ZNF385B: variants seen among roughly 807,000 people sequenced by gnomAD.
ZNF385B encodes the protein zinc finger protein 385B.
In ZNF385B, 23 loss-of-function variants were observed where a neutral mutation model predicts 39.2. The ratio of observed to expected loss-of-function variants is 0.59; its 90% CI spans 0.42 to 0.83. The LOEUF is 0.83. ZNF385B is among the 40% of genes least tolerant of loss of function. The pLI, the probability that ZNF385B is intolerant of heterozygous loss-of-function variation, is 0.00. For missense variants in ZNF385B, 552 were observed against 598.9 expected (o/e 0.92, Z 0.82); for synonymous variants, 205 against 222.6 (o/e 0.92, Z 0.70).
At chr2:179,480,666 A>C (rs1050552036) in intron 6 of ZNF385B, among the ~76,000 whole-genome samples, 1 of 152,054 alleles carries the variant, frequency 6.6e-6, no homozygotes, top group Non-Finnish European at 1.5e-5. Flanking sequence ...ATGGTGACAA[A>C]AGAACATGTA....
In ZNF385B at chr2:179,846,461, C is replaced by T. The variant is rs576950628; in HGVS notation, c.-155+14640G>A. On this transcript the variant is annotated intron_variant, in intron 1 of 9. Transcript: ENST00000410066. ...AGGCCTCTGAATGAGACAAGAATTC[C>T]GTATCCTGCTTATCTATTTGTGTGG... Among the ~76,000 whole-genome samples the T allele has an allele frequency of 1.4e-3, 206 of 152,298 alleles. 1 individual carries two copies. In the Middle Eastern group the frequency reaches 0.017, roughly 13 times the overall value.
chr2:179,699,050 T>C (rs891034763), intron 3 of ZNF385B, among the ~76,000 whole-genome samples: 2 of 152,076 alleles, frequency 1.3e-5, no homozygotes, highest in African/African-American at 4.8e-5. Context: ...AGGAAAATGA[T>C]ATTATCAAAT....
intron 3 of ZNF385B, among the ~76,000 whole-genome samples, chr2:179,634,140 C>T (rs200463785): frequency 2.6e-5 from 4 of 152,156 alleles, no homozygotes; most frequent in Admixed American, 6.6e-5. Context: ...ATTCAGGACA[C>T]AGGCATGGGC....
chr2:179,629,131 C>T (rs189067476), intron 3 of ZNF385B, among the ~76,000 whole-genome samples: 1 of 152,122 alleles, frequency 6.6e-6, no homozygotes, highest in Admixed American at 6.5e-5. Context: ...ATTTCCAGAC[C>T]CAGTCCTAGA....
intron 1 of ZNF385B, among the ~76,000 whole-genome samples, chr2:179,845,158 AT>A (rs1334790107): frequency 6.6e-6 from 1 of 152,224 alleles, no homozygotes; most frequent in Non-Finnish European, 1.5e-5. Context: ...GAAGTCCATC[AT>A]AGAATATTTT....
intron 4 of ZNF385B, among the ~76,000 whole-genome samples, chr2:179,526,722 C>A (rs1356036575): frequency 6.6e-6 from 1 of 152,218 alleles, no homozygotes; most frequent in East Asian, 1.9e-4. Context: ...CTTGCTGACA[C>A]TGCTTCTCCT....
At chr2:179,738,431 C>G (rs1297341117) in intron 3 of ZNF385B, among the ~76,000 whole-genome samples, 2 of 152,206 alleles carry the variant, frequency 1.3e-5, no homozygotes, top group African/African-American at 4.8e-5. Flanking sequence ...CTCCAACCTT[C>G]ATTGTTATAG....
Position 179,663,692 on chromosome 2 carries a change from C to A in ZNF385B, c.298+105811G>T, listed in dbSNP as rs539673970. On this transcript the variant is annotated intron_variant, in intron 3 of 9. Transcript: ENST00000410066. ...GCCGCTGCATTCCATCCAGCCTGGG[C>A]GACAGAGCGAGACTCCGTCTCAAAA... 5.0e-3 allele frequency among the ~76,000 whole-genome samples: 594 copies of A among 119,952 alleles called. 3 individuals carry two copies. Among genetic ancestry groups the A allele is most frequent in the African/African-American group, 0.019 (560 of 30,132 alleles). The allele number at this position is 119,952 out of a possible 152,430, so 78.7% of individuals were successfully genotyped here. A position where few individuals can be genotyped will look rare whatever the true frequency, so the allele number is the denominator to read the frequency against.
intron 1 of ZNF385B, among the ~76,000 whole-genome samples, chr2:179,807,413 C>T (rs1013572981): frequency 6.6e-6 from 1 of 151,966 alleles, no homozygotes; most frequent in African/African-American, 2.4e-5. Context: ...GCCTGGCCAA[C>T]ATGGTGAAAC....
chr2:179,801,250 C>T (rs960882825), intron 1 of ZNF385B, among the ~76,000 whole-genome samples: 3 of 152,122 alleles, frequency 2.0e-5, no homozygotes, highest in East Asian at 1.9e-4. Context: ...GGAGGCCTTG[C>T]CAAGGAGTGA....
chr2:179,580,733 C>T (rs1418320601), intron 3 of ZNF385B, among the ~76,000 whole-genome samples: 1 of 152,210 alleles, frequency 6.6e-6, no homozygotes, highest in African/African-American at 2.4e-5. Context: ...TGTTCTTGGA[C>T]TTCTCAGTCT....
At chr2:179,682,881 G>A (rs1451755807) in intron 3 of ZNF385B, among the ~76,000 whole-genome samples, 2 of 152,124 alleles carry the variant, frequency 1.3e-5, no homozygotes, top group East Asian at 3.9e-4. Context: ...AAGGGTTCCT[G>A]GTCAGGAAGC....
At position 179,648,559 on chromosome 2, in the gene ZNF385B, G is replaced by A. The variant is rs558971264; in HGVS notation, c.299-103590C>T. On this transcript the variant is annotated intron_variant, in intron 3 of 9. Transcript: ENST00000410066. ...AAGGTTTGAGAGCAGCAACACCCCC[G>A]AAAACACCCAAATCTTGGTTTCCAA... 2.5e-3 allele frequency among the ~76,000 whole-genome samples: 378 copies of A among 152,160 alleles called. 2 individuals carry two copies. The highest frequency in any genetic ancestry group is 7.5e-3 in the Admixed American group (115 of 15,270).
At chr2:179,721,889 A>G (rs1363090484) in intron 3 of ZNF385B, among the ~76,000 whole-genome samples, 1 of 152,090 alleles carries the variant, frequency 6.6e-6, no homozygotes, top group African/African-American at 2.4e-5. Flanking sequence ...ACAAAAAACA[A>G]TACAAGGTCT....
chr2:179,467,271 C>T (rs1455183239), intron 6 of ZNF385B, among the ~76,000 whole-genome samples: 2 of 152,122 alleles, frequency 1.3e-5, no homozygotes, highest in African/African-American at 4.8e-5. Context: ...CCAAGGGTTA[C>T]CTAGTATAGT....
intron 1 of ZNF385B, among the ~76,000 whole-genome samples, chr2:179,780,651 T>C (rs1375967209): frequency 6.6e-6 from 1 of 152,200 alleles, no homozygotes; most frequent in East Asian, 1.9e-4. Context: ...CTAATTCCTT[T>C]CTCTCTAAGA....
chr2:179,723,611 C>T (rs996041440), intron 3 of ZNF385B, among the ~76,000 whole-genome samples: 2 of 151,926 alleles, frequency 1.3e-5, no homozygotes, highest in Non-Finnish European at 2.9e-5. Context: ...TATTTTAAAA[C>T]ACGCATATTT....
At chr2:179,482,974 T>A (rs757166203) in intron 6 of ZNF385B, among the ~76,000 whole-genome samples, 3 of 151,696 alleles carry the variant, frequency 2.0e-5, no homozygotes, top group Non-Finnish European at 2.9e-5. Context: ...CTGATTTTAG[T>A]CTGAACACAT....
intron 3 of ZNF385B, among the ~76,000 whole-genome samples, chr2:179,761,628 G>A (rs1243362817): frequency 1.3e-5 from 2 of 151,628 alleles, no homozygotes. Flanking sequence ...ACGCAGTCTG[G>A]AGTACAGTGG....
Sources: allele counts gnomAD v4.1 joint callset (sites outside exome capture counted in the v4.1 genomes callset), GRCh38; gene constraint gnomAD v4.1.1; transcripts MANE v1.5; gene names NCBI Gene and HGNC (gene_info 2026-07-23, HGNC 2026-07-21).